The following ADRA2C variants were observed in gnomAD, a reference collection of about 807,000 sequenced individuals.
ADRA2C encodes adrenoceptor alpha 2C.
In ADRA2C, 4 loss-of-function variants were observed where a neutral mutation model predicts 7.9. The ratio of observed to expected loss-of-function variants is 0.51; its 90% confidence interval spans 0.25 to 1.16. ADRA2C has a LOEUF of 1.16. ADRA2C is among the 50% of genes most tolerant of loss of function. The pLI, the probability that ADRA2C is intolerant of heterozygous loss-of-function variation, is 0.15. For synonymous variants in ADRA2C, 368 were observed against 328.9 expected, an observed-to-expected ratio of 1.12 and a Z score of -1.29; for missense variants, 589 against 677.7, an observed-to-expected ratio of 0.87 and a Z score of 1.45.
chr4:3,767,869 C>G lies in ADRA2C; in HGVS notation c.1263C>G (p.Phe421Leu). Residue 421 changes from phenylalanine (F) to leucine (L), a missense_variant, in exon 1 of 1, where the codon TTC (phenylalanine) becomes TTG (leucine). Physicochemically the swap from Phe to Leu is conservative, Grantham distance 22 (BLOSUM62 0). Coordinates refer to ENST00000330055, the MANE Select transcript of ADRA2C (RefSeq NM_000683.4). Reference protein sequence around the residue: ...ACQVPGPLFKFFFWIGYCNSS... With the variant: ...ACQVPGPLFKLFFWIGYCNSS... ...AGGTGCCCGGCCCGCTCTTCAAGTT[C>G]TTCTTCTGGATCGGCTACTGCAACA... The G allele has an allele frequency of 1.1e-5, 17 of 1,613,018 alleles. No homozygotes were observed. The highest frequency in any genetic ancestry group is 1.4e-5 in the Non-Finnish European group (17 of 1,179,918).
chr4:3,768,011 G>C lies in ADRA2C; in HGVS notation c.*16G>C, dbSNP rs1735495934. On this transcript the variant is annotated 3_prime_UTR_variant, in exon 1 of 1. Coordinates refer to ENST00000330055, the MANE Select transcript of ADRA2C (RefSeq NM_000683.4). The stretch of plus-strand genomic sequence containing the variant: ...CAGGCAGTGACTCGCACCCGTCTGG[G>C]AATCCTGGACAGCTCCGCGCTCGGG... The C allele has an allele frequency of 1.3e-6, 2 of 1,599,796 alleles. No homozygotes were observed. The highest frequency in any genetic ancestry group is 1.7e-6 in the Non-Finnish European group (2 of 1,174,014).
In ADRA2C at chr4:3,766,719, CCTGGGGGCCGCCGCGCGGCCAGTA is replaced by C. The variant is rs1735450849; in HGVS notation, c.116_139del (p.Trp39_Tyr46del). On this transcript the variant is annotated inframe_deletion, in exon 1 of 1. Coordinates refer to ENST00000330055, the MANE Select transcript of ADRA2C (RefSeq NM_000683.4). This position sits in a 1 kb window ranked among gnomAD's most constrained non-coding sequence, Gnocchi z 4.5. ...GGGGTTGCCAATGCCTCGGGGGCTT[CCTGGGGGCCGCCGCGCGGCCAGTA>C]CTCGGCGGGCGCGGTGGCAGGGCTG... The C allele has an allele frequency of 6.8e-7, 1 of 1,467,554 alleles. No individual in the cohort carries two copies. Among genetic ancestry groups the C allele is most frequent in the Non-Finnish European group, 9.0e-7 (1 of 1,110,158 alleles). The allele number at this position is 1,467,554 out of a possible 1,614,324, so 90.9% of individuals were successfully genotyped here. A position where few individuals can be genotyped will look rare whatever the true frequency, so the allele number is the denominator to read the frequency against.
Position 3,767,397 on chromosome 4 carries a change from T to C in ADRA2C, c.791T>C (p.Leu264Pro). 1 of 1,534,210 alleles carries C rather than the reference T, an allele frequency of 6.5e-7. No homozygotes were observed. The highest frequency in any genetic ancestry group is 8.7e-7 in the Non-Finnish European group (1 of 1,145,004). The change falls in exon 1 of 1, where the codon CTG (leucine) becomes CCG (proline). Residue 264 changes from leucine to proline, a missense_variant. Transcript: ENST00000330055. ...GCGTCCCCGACTACCGAAAACGGGCTGGGCGCGGCGGCAGGCGCAGGCGAG... is the reference window on the plus strand; with the variant it reads ...GCGTCCCCGACTACCGAAAACGGGCCGGGCGCGGCGGCAGGCGCAGGCGAG... ...DGASPTTENGLGAAAGAGENG... is the reference protein window; with the variant it reads ...DGASPTTENGPGAAAGAGENG...
chr4:3,767,555 G>T lies in ADRA2C; in HGVS notation c.949G>T (p.Gly317Cys). The T allele has an allele frequency of 9.1e-7, 1 of 1,096,258 alleles. No individual in the cohort carries two copies. The highest frequency in any genetic ancestry group is 1.1e-6 in the Non-Finnish European group (1 of 902,110). The allele number at this position is 1,096,258 out of a possible 1,614,324, so 67.9% of individuals were successfully genotyped here. ...RRAGAEGGAG[G>C]ADGQGAGPGA... ...AGCGGGCGCGGAGGGGGGCGCGGGC[G>T]GTGCGGACGGGCAGGGGGCGGGGCC... Residue 317 changes from glycine to cysteine, a missense_variant, in exon 1 of 1, where the codon GGT becomes TGT. Gly to Cys is a radical substitution (Grantham distance 159). Coordinates refer to ENST00000330055, the MANE Select transcript of ADRA2C (RefSeq NM_000683.4).
chr4:3,766,614 C>A lies in ADRA2C; in HGVS notation c.8C>A (p.Ser3Tyr). 8.4e-7 allele frequency: 1 copy of A among 1,191,026 alleles called. No homozygotes were observed. Among genetic ancestry groups the A allele is most frequent in the Non-Finnish European group, 1.0e-6 (1 of 963,576 alleles). The allele number at this position is 1,191,026 out of a possible 1,614,324, so 73.8% of individuals were successfully genotyped here. A position where few individuals can be genotyped will look rare whatever the true frequency, so the allele number is the denominator to read the frequency against. Residue 3 changes from serine to tyrosine, a missense_variant, in exon 1 of 1, where the codon TCC (serine) becomes TAC (tyrosine). Coordinates refer to ENST00000330055, the MANE Select transcript of ADRA2C (RefSeq NM_000683.4). This position sits in a 1 kb window ranked among gnomAD's most constrained non-coding sequence, Gnocchi z 4.5. MA[S>Y]PALAAALAVA... is the part of the protein sequence containing the mutation. Reference sequence around the variant, plus strand: ...GTAGCTCGCGGGAGGACCATGGCGTCCCCGGCGCTGGCGGCGGCGCTGGCG... The same window carrying A: ...GTAGCTCGCGGGAGGACCATGGCGTACCCGGCGCTGGCGGCGGCGCTGGCG...
Position 3,767,718 on chromosome 4 carries a change from A to G in ADRA2C, c.1112A>G (p.Lys371Arg), listed in dbSNP as rs747713020. 7.4e-6 allele frequency: 12 copies of G among 1,610,900 alleles called. No individual in the cohort carries two copies. The highest frequency in any genetic ancestry group is 5.3e-5 in the African/African-American group (4 of 74,770). ...RRARSSVCRR[K>R]VAQAREKRFT... ...GCGCGCAGCAGCGTGTGCCGCCGCA[A>G]GGTGGCCCAGGCGCGCGAGAAGCGC... is the stretch of plus-strand genomic sequence containing the variant. The change falls in exon 1 of 1, where the codon AAG (lysine) becomes AGG (arginine). Residue 371 changes from lysine to arginine, a missense_variant. Coordinates refer to ENST00000330055, the MANE Select transcript of ADRA2C (RefSeq NM_000683.4).
In ADRA2C at chr4:3,767,356, C is replaced by T. The variant is rs1220179750; in HGVS notation, c.750C>T (p.Pro250=). 6.5e-7 allele frequency: 1 copy of T among 1,546,912 alleles called. No homozygotes were observed. The highest frequency in any genetic ancestry group is 8.7e-7 in the Non-Finnish European group (1 of 1,149,154). Residue 250 remains proline, a synonymous_variant, in exon 1 of 1, where the codon CCC becomes CCT. Coordinates refer to ENST00000330055, the MANE Select transcript of ADRA2C (RefSeq NM_000683.4). Reference sequence around the variant, plus strand: ...GCACGCTCAGCGAGAAGCGCGCCCCCGTGGGCCCCGACGGTGCGTCCCCGA... The same window carrying T: ...GCACGCTCAGCGAGAAGCGCGCCCCTGTGGGCCCCGACGGTGCGTCCCCGA... ...RTRTLSEKRA[P]VGPDGASPTT...
In ADRA2C at chr4:3,767,822, G is replaced by C. The variant is rs750918500; in HGVS notation, c.1216G>C (p.Gly406Arg). The stretch of plus-strand genomic sequence containing the variant: ...CTTCTTCTTCAGCTACAGCCTGTAC[G>C]GCATCTGCCGCGAGGCCTGCCAGGT... ...FPFFFSYSLY[G>R]ICREACQVPG... The change falls in exon 1 of 1, where the codon GGC becomes CGC. Residue 406 changes from glycine (G) to arginine (R), a missense_variant. Transcript: ENST00000330055. The C allele has an allele frequency of 6.2e-7, 1 of 1,613,214 alleles. No homozygotes were observed. The highest frequency in any genetic ancestry group is 2.2e-5 in the East Asian group (1 of 44,880).
At position 3,767,250 on chromosome 4, in the gene ADRA2C, G is replaced by A. The variant is rs1469908836; in HGVS notation, c.644G>A (p.Cys215Tyr). The A allele has an allele frequency of 6.2e-7, 1 of 1,609,268 alleles. No individual in the cohort carries two copies. Among genetic ancestry groups the A allele is most frequent in the Non-Finnish European group, 8.5e-7 (1 of 1,178,514 alleles). The change falls in exon 1 of 1, where the codon TGC becomes TAC. Residue 215 changes from cysteine to tyrosine, a missense_variant. Transcript: ENST00000330055. ...GAGACCTGGTACATCCTGTCCTCCT[G>A]CATCGGCTCCTTCTTCGCGCCCTGC... is the stretch of plus-strand genomic sequence containing the variant. ...NDETWYILSS[C>Y]IGSFFAPCLI... is the part of the protein sequence containing the mutation.
Position 3,767,756 on chromosome 4 carries a change from C to G in ADRA2C, c.1150C>G (p.Leu384Val). 4.3e-6 allele frequency: 7 copies of G among 1,613,112 alleles called. No individual in the cohort carries two copies. The highest frequency in any genetic ancestry group is 5.9e-6 in the Non-Finnish European group (7 of 1,179,768). The change falls in exon 1 of 1, where the codon CTG becomes GTG. Residue 384 changes from leucine (L) to valine (V), a missense_variant. Leu to Val is a conservative substitution (Grantham distance 32). Transcript: ENST00000330055. Reference sequence around the variant, plus strand: ...GCGCGAGAAGCGCTTCACCTTTGTGCTGGCTGTGGTCATGGGCGTGTTCGT... The same window carrying G: ...GCGCGAGAAGCGCTTCACCTTTGTGGTGGCTGTGGTCATGGGCGTGTTCGT... The part of the protein sequence containing the change: ...QAREKRFTFV[L>V]AVVMGVFVLC...
rs1209501489 is a variant in ADRA2C at position 3,766,951 on chromosome 4, C to T, written c.345C>T (p.Ala115=). 6.2e-7 allele frequency: 1 copy of T among 1,611,094 alleles called. No homozygotes were observed. Among genetic ancestry groups the T allele is most frequent in the East Asian group, 2.2e-5 (1 of 44,860 alleles). ...MPFSLANELM[A]YWYFGQVWCG... is the part of the protein sequence containing the mutation. Reference sequence around the variant, plus strand: ...TCTCGTTGGCCAACGAGCTCATGGCCTACTGGTACTTCGGGCAGGTGTGGT... The same window carrying T: ...TCTCGTTGGCCAACGAGCTCATGGCTTACTGGTACTTCGGGCAGGTGTGGT... Residue 115 remains alanine (A), a synonymous_variant, in exon 1 of 1, where the codon GCC becomes GCT. Coordinates refer to ENST00000330055, the MANE Select transcript of ADRA2C (RefSeq NM_000683.4). The surrounding 1 kb of genome is among the most constrained non-coding windows in gnomAD (Gnocchi z 4.5).
rs1217150538 is a variant in ADRA2C, at chr4:3,768,150, C to A, written c.*155C>A. ...GGGCAGGAGCTTGGCAGAGAGATAG[C>A]CGGGCTCCAGGGAGTGGGGAGGAGA... On this transcript the variant is annotated 3_prime_UTR_variant, in exon 1 of 1. Transcript: ENST00000330055. The A allele has an allele frequency of 1.3e-6, 1 of 772,816 alleles. No individual in the cohort carries two copies. Among genetic ancestry groups the A allele is most frequent in the Non-Finnish European group, 2.2e-6 (1 of 451,404 alleles). 47.9% of individuals were successfully genotyped at this position (772,816 alleles called of 1,614,324 possible).
In ADRA2C at chr4:3,766,720, C is replaced by T. The variant is rs1256834836; in HGVS notation, c.114C>T (p.Ser38=). The T allele has an allele frequency of 6.8e-7, 1 of 1,468,290 alleles. No homozygotes were observed. Among genetic ancestry groups the T allele is most frequent in the African/African-American group, 1.4e-5 (1 of 70,298 alleles). 91.0% of individuals were successfully genotyped at this position (1,468,290 alleles called of 1,614,324 possible). Residue 38 remains serine (S), a synonymous_variant, in exon 1 of 1, where the codon TCC becomes TCT. Transcript: ENST00000330055. The surrounding 1 kb of genome is among the most constrained non-coding windows in gnomAD (Gnocchi z 4.5). ...GGGTTGCCAATGCCTCGGGGGCTTCCTGGGGGCCGCCGCGCGGCCAGTACT... is the reference window on the plus strand; with the variant it reads ...GGGTTGCCAATGCCTCGGGGGCTTCTTGGGGGCCGCCGCGCGGCCAGTACT... ...SGGVANASGA[S]WGPPRGQYSA... is the part of the protein sequence containing the mutation.
In ADRA2C at chr4:3,766,891, G is replaced by A. The variant is rs372633003; in HGVS notation, c.285G>A (p.Ser95=). 8.7e-6 allele frequency: 14 copies of A among 1,609,390 alleles called. No homozygotes were observed. The highest frequency in any genetic ancestry group is 1.1e-5 in the Non-Finnish European group (13 of 1,178,944). ...PQNLFLVSLA[S]ADILVATLVM... is the part of the protein sequence containing the mutation. ...ACCTCTTCCTGGTGTCGCTGGCCTC[G>A]GCCGACATCCTGGTGGCCACGCTGG... The change falls in exon 1 of 1, where the codon TCG becomes TCA. Residue 95 remains serine, a synonymous_variant. Transcript: ENST00000330055. This position sits in a 1 kb window ranked among gnomAD's most constrained non-coding sequence, Gnocchi z 4.5.
chr4:3,766,547 C>T lies in ADRA2C; in HGVS notation c.-60C>T, dbSNP rs1735429988. The T allele has an allele frequency of 2.8e-6, 3 of 1,080,532 alleles. No homozygotes were observed. The highest frequency in any genetic ancestry group is 1.1e-4 in the Admixed American group (2 of 18,872). 66.9% of individuals were successfully genotyped at this position (1,080,532 alleles called of 1,614,324 possible). On this transcript the variant is annotated 5_prime_UTR_variant, in exon 1 of 1. Coordinates refer to ENST00000330055, the MANE Select transcript of ADRA2C (RefSeq NM_000683.4). This position sits in a 1 kb window ranked among gnomAD's most constrained non-coding sequence, Gnocchi z 4.5. ...GGGCGCCGACCCCGGCTGGGGGGCG[C>T]CCGAGCTGCCGCGGCTGCGCCCCGG...
At position 3,768,316 on chromosome 4, in the gene ADRA2C, A is replaced by C. The variant is rs111296535; in HGVS notation, c.*321A>C. 1.6e-4 allele frequency: 117 copies of C among 716,834 alleles called. 1 individual carries two copies. The highest frequency in any genetic ancestry group is 1.6e-3 in the African/African-American group (90 of 57,356). 44.4% of individuals were successfully genotyped at this position (716,834 alleles called of 1,614,324 possible). On this transcript the variant is annotated 3_prime_UTR_variant, in exon 1 of 1. Transcript: ENST00000330055. ...GAGCAGTGGCAGAGGTAGCCCCCTA[A>C]ATGGGCAAGCAAGGAGCCCCCCAAA...
At position 3,768,359 on chromosome 4, in the gene ADRA2C, T is replaced by G. The variant is rs115320552; in HGVS notation, c.*364T>G. Reference sequence around the variant, plus strand: ...CCCCCAAAGACACTACCACTCCCCATCCCCGTCTGACCAAGGGCTGACTTC... The same window carrying G: ...CCCCCAAAGACACTACCACTCCCCAGCCCCGTCTGACCAAGGGCTGACTTC... On this transcript the variant is annotated 3_prime_UTR_variant, in exon 1 of 1. Transcript: ENST00000330055. The G allele has an allele frequency of 3.6e-4, 257 of 705,122 alleles. No individual in the cohort carries two copies. The African/African-American group carries it at 4.0e-3, about 11-fold the overall frequency. 43.7% of individuals were successfully genotyped at this position (705,122 alleles called of 1,614,324 possible).
In ADRA2C at chr4:3,766,881, C is replaced by T. The variant is rs1260543085; in HGVS notation, c.275C>T (p.Ser92Leu). ...LRAPQNLFLV[S>L]LASADILVAT... ...GCGCCACAGAACCTCTTCCTGGTGTCGCTGGCCTCGGCCGACATCCTGGTG... is the reference window on the plus strand; with the variant it reads ...GCGCCACAGAACCTCTTCCTGGTGTTGCTGGCCTCGGCCGACATCCTGGTG... Residue 92 changes from serine (S) to leucine (L), a missense_variant, in exon 1 of 1, where the codon TCG becomes TTG. By Grantham distance (145) the Ser-to-Leu change is moderately radical. Coordinates refer to ENST00000330055, the MANE Select transcript of ADRA2C (RefSeq NM_000683.4). The surrounding 1 kb of genome is among the most constrained non-coding windows in gnomAD (Gnocchi z 4.5). The T allele has an allele frequency of 6.3e-7, 1 of 1,597,820 alleles. No homozygotes were observed. Among genetic ancestry groups the T allele is most frequent in the Non-Finnish European group, 8.5e-7 (1 of 1,172,642 alleles).
rs1735508236 is a variant in ADRA2C at position 3,768,356 on chromosome 4, C to T, written c.*361C>T. ...AGCCCCCCAAAGACACTACCACTCC[C>T]CATCCCCGTCTGACCAAGGGCTGAC... On this transcript the variant is annotated 3_prime_UTR_variant, in exon 1 of 1. Transcript: ENST00000330055. 1 of 706,432 alleles carries T rather than the reference C, an allele frequency of 1.4e-6. No homozygotes were observed. Among genetic ancestry groups the T allele is most frequent in the Non-Finnish European group, 2.6e-6 (1 of 379,170 alleles). The allele number at this position is 706,432 out of a possible 1,614,324, so 43.8% of individuals were successfully genotyped here. A position where few individuals can be genotyped will look rare whatever the true frequency, so the allele number is the denominator to read the frequency against.
Sources: gnomAD v4.1 joint callset for allele counts on GRCh38, gnomAD v4.1.1 for gene constraint, Gnocchi (gnomAD v3.1) non-coding constraint, MANE v1.5 for transcripts, NCBI Gene and HGNC (gene_info 2026-07-23, HGNC 2026-07-21) for gene names.